The following SLC19A1 variants were observed in gnomAD, a reference collection of about 807,000 sequenced individuals.
SLC19A1 encodes the protein solute carrier family 19 member 1, also known as reduced folate transporter.
A neutral mutation model predicts 35.3 loss-of-function variants in SLC19A1; 37 were observed. The observed-to-expected ratio is 1.05, with a 90% CI of 0.81 to 1.38. The LOEUF is 1.38. Ranked by LOEUF, SLC19A1 falls within the 40% of genes most tolerant of loss-of-function variation. SLC19A1 has a pLI of 0.00. For synonymous variants in SLC19A1, 460 were observed against 398.5 expected, an observed-to-expected ratio of 1.15 and a Z score of -1.84; for missense variants, 831 against 826.9, an observed-to-expected ratio of 1.00 and a Z score of -0.06.
downstream of SLC19A1, chr21:45,512,485 G>A (rs992734900): frequency 7.0e-6 from 9 of 1,293,932 alleles, no homozygotes; most frequent in Admixed American, 1.4e-4. Flanking sequence ...CCAGCCCCTG[G>A]CCCCAGGACC....
chr21:45,512,720 G>C lies in SLC19A1; in HGVS notation c.*2938C>G. On this transcript the variant is annotated 3_prime_UTR_variant, in exon 6 of 6. Coordinates refer to ENST00000311124, the MANE Select transcript of SLC19A1 (RefSeq NM_194255.4). ...TCAGACCACGGCTCGATTTCTCCAGGATTTCCTGCTTTGGGAAGCCGTGCT... is the reference window on the plus strand; with the variant it reads ...TCAGACCACGGCTCGATTTCTCCAGCATTTCCTGCTTTGGGAAGCCGTGCT... 4.7e-6 allele frequency: 2 copies of C among 428,256 alleles called. No individual in the cohort carries two copies. Among genetic ancestry groups the C allele is most frequent in the Non-Finnish European group, 8.7e-6 (2 of 231,006 alleles). The allele number at this position is 428,256 out of a possible 1,614,324, so 26.5% of individuals were successfully genotyped here. A position where few individuals can be genotyped will look rare whatever the true frequency, so the allele number is the denominator to read the frequency against.
chr21:45,549,505 C>A (rs2078444172), intron 1 of SLC19A1, among the ~76,000 whole-genome samples: 1 of 150,582 alleles, frequency 6.6e-6, no homozygotes, highest in East Asian at 1.9e-4. Context: ...GGGGAAAGGC[C>A]TGGAAGCAAG....
chr21:45,509,744 C>A (rs1254218018), downstream of SLC19A1: 1 of 705,506 alleles, frequency 1.4e-6, no homozygotes, highest in East Asian at 2.7e-5. Context: ...CCACTCAGGG[C>A]GGCTTGGCTG....
chr21:45,510,222 C>A (rs1391001632), downstream of SLC19A1: 3 of 1,606,398 alleles, frequency 1.9e-6, no homozygotes, highest in Non-Finnish European at 2.5e-6. Flanking sequence ...GCATCGTGCG[C>A]CGTGCCGACC....
intron 5 of SLC19A1, among the ~76,000 whole-genome samples, chr21:45,521,367 CA>C (rs2077433737): frequency 6.6e-6 from 1 of 152,094 alleles, no homozygotes; most frequent in Non-Finnish European, 1.5e-5. Context: ...TGAAAGAAAT[CA>C]AAGATCTAAA....
chr21:45,507,601 G>A (rs758851914), downstream of SLC19A1: 1 of 1,612,960 alleles, frequency 6.2e-7, no homozygotes, highest in Admixed American at 1.7e-5. Flanking sequence ...ACGGTAAGGA[G>A]CCTTTTTTCT....
chr21:45,519,649 T>C lies in SLC19A1; in HGVS notation c.1294-3509A>G, dbSNP rs554183143. Among the ~76,000 whole-genome samples, 12 of 147,892 alleles carry C rather than the reference T, an allele frequency of 8.1e-5. No homozygotes were observed. In the South Asian group the frequency reaches 2.3e-3, roughly 29 times the overall value. On this transcript the variant is annotated intron_variant, in intron 5 of 5. Transcript: ENST00000311124. The stretch of plus-strand genomic sequence containing the variant: ...ATTATATAATCCCACTATTACACAA[T>C]TGACAAGAGGGTCAGTCCACCAAAA...
At chr21:45,505,223 TC>T in intron 3 of SLC19A1, 1 of 1,580,794 alleles carries the variant, frequency 6.3e-7, no homozygotes, top group Non-Finnish European at 8.6e-7. Context: ...GCCAGGGCCC[TC>T]CCGGCCCCCC....
chr21:45,512,504 A>C (rs1311160876), downstream of SLC19A1: 10 of 1,009,974 alleles, frequency 9.9e-6, no homozygotes, highest in South Asian at 1.4e-5. Flanking sequence ...CCTGGCTGCC[A>C]TACTTTCCTG....
intron 5 of SLC19A1, 64 bp from the exon 6 acceptor site, chr21:45,516,204 C>T (rs2037929765): frequency 7.6e-7 from 1 of 1,310,596 alleles, no homozygotes; most frequent in South Asian, 1.3e-5. Context: ...CACCCTACAC[C>T]CCGACGCCTG....
At chr21:45,537,283 G>A (rs977372078) in intron 2 of SLC19A1, among the ~76,000 whole-genome samples, 1 of 152,120 alleles carries the variant, frequency 6.6e-6, no homozygotes, top group East Asian at 1.9e-4. Flanking sequence ...GGGAGTGTGA[G>A]ACCCCAGCCG....
In SLC19A1 at chr21:45,516,267, C is replaced by T. The variant is rs111734378; in HGVS notation, c.1294-127G>A. 5,767 of 704,188 alleles carry T rather than the reference C, an allele frequency of 8.2e-3. 255 individuals are homozygous for T. In the African/African-American group the frequency reaches 0.092, roughly 11 times the overall value. 43.6% of individuals were successfully genotyped at this position (704,188 alleles called of 1,614,324 possible). On this transcript the variant is annotated intron_variant, in intron 5 of 5. Transcript: ENST00000311124. ...GAGGCTGACCCTGAACACTGCACAG[C>T]GGTCAGAGGCCAGCCCCAGGAGCAG...
intron 4 of SLC19A1, among the ~76,000 whole-genome samples, chr21:45,526,221 T>A (rs1457045675): frequency 6.6e-6 from 1 of 152,218 alleles, no homozygotes; most frequent in Non-Finnish European, 1.5e-5. Context: ...TGAGGGTCCC[T>A]TATCCAAAAT....
intron 3 of SLC19A1, chr21:45,504,642 C>T: frequency 3.3e-6 from 4 of 1,210,660 alleles, no homozygotes; most frequent in East Asian, 2.6e-5. Context: ...GCCTTCGACA[C>T]CCGCGAAGGC....
In SLC19A1 at chr21:45,505,870, G is replaced by A. The variant is rs1380853962; in HGVS notation, c.498-7258C>T. The A allele has an allele frequency of 3.7e-6, 6 of 1,609,044 alleles. No individual in the cohort carries two copies. Among genetic ancestry groups the A allele is most frequent in the Non-Finnish European group, 5.1e-6 (6 of 1,178,406 alleles). ...TCTGGGCTACACGCCAGGCCATGCTGGGCCAGGTGCACGAGGTTCCCGAGG... is the reference window on the plus strand; with the variant it reads ...TCTGGGCTACACGCCAGGCCATGCTAGGCCAGGTGCACGAGGTTCCCGAGG... On this transcript the variant is annotated intron_variant, in intron 3 of 4. Transcript: ENST00000417954.
At chr21:45,562,852 C>T (rs1048186641) in exon 1 of SLC19A1, among the ~76,000 whole-genome samples, 4 of 152,184 alleles carry the variant, frequency 2.6e-5, no homozygotes, top group Non-Finnish European at 2.9e-5. Context: ...GGAAGATCCT[C>T]CTCCAGTGTC....
At chr21:45,512,019 A>AG (rs1568956588), downstream of SLC19A1, among the ~76,000 whole-genome samples, 1 of 152,086 alleles carries the variant, frequency 6.6e-6, no homozygotes, top group African/African-American at 2.4e-5. Flanking sequence ...AGCCCCCTCC[A>AG]CAGGCAGCCA....
Position 45,540,302 on chromosome 21 carries a change from C to G in SLC19A1, c.-50+2066G>C, listed in dbSNP as rs1341288088. Among the ~76,000 whole-genome samples, 1 of 152,210 alleles carries G rather than the reference C, an allele frequency of 6.6e-6. No individual in the cohort carries two copies. The highest frequency in any genetic ancestry group is 6.5e-5 in the Admixed American group (1 of 15,288). On this transcript the variant is annotated intron_variant, in intron 1 of 5. Transcript: ENST00000311124. This position sits in a 1 kb window ranked among gnomAD's most constrained non-coding sequence, Gnocchi z 5.5. ...CCCCAGACAACCAGAGCAACCAGATCGCCGCAGACAACGGGGAGCCATCAG... is the reference window on the plus strand; with the variant it reads ...CCCCAGACAACCAGAGCAACCAGATGGCCGCAGACAACGGGGAGCCATCAG...
At chr21:45,532,174 A>G (rs777596219) in intron 2 of SLC19A1, 26 bp from the exon 3 acceptor site, 9 of 1,549,668 alleles carry the variant, frequency 5.8e-6, no homozygotes, top group East Asian at 4.5e-5. Context: ...CGTGCGCCCC[A>G]CCAGGTGTTA....
Sources: allele counts gnomAD v4.1 joint callset (sites outside exome capture counted in the v4.1 genomes callset), GRCh38; gene constraint gnomAD v4.1.1; non-coding constraint Gnocchi (gnomAD v3.1); transcripts MANE v1.5; gene names NCBI Gene and HGNC (gene_info 2026-07-23, HGNC 2026-07-21).